Variants in ITIH2 observed in about 807,000 individuals in gnomAD.
ITIH2 encodes inter-alpha-trypsin inhibitor heavy chain 2.
In ITIH2, 103 loss-of-function variants were observed where a neutral mutation model predicts 104.4. That is an observed-to-expected ratio of 0.99 (90% CI 0.84 to 1.16). The LOEUF (loss-of-function observed/expected upper bound fraction) is 1.16. ITIH2 is among the 50% of genes most tolerant of loss of function. ITIH2 has a pLI of 0.00. For missense variants in ITIH2, 1,108 were observed against 1,162.4 expected (o/e 0.95, Z 0.68); for synonymous variants, 436 against 435.4 (o/e 1.00, Z -0.02).
chr10:7,729,947 T>G lies in ITIH2; in HGVS notation c.1280-5T>G. 2 of 1,587,600 alleles carry G rather than the reference T, an allele frequency of 1.3e-6. No homozygotes were observed. The highest frequency in any genetic ancestry group is 1.7e-6 in the Non-Finnish European group (2 of 1,168,650). Reference sequence around the variant, plus strand: ...TCCTTTCCTTTCGGACATCACCAACTTTAGGCGAACTAAAACTGTCAAAAA... The same window carrying G: ...TCCTTTCCTTTCGGACATCACCAACGTTAGGCGAACTAAAACTGTCAAAAA... On this transcript the variant is annotated splice_region_variant and splice_polypyrimidine_tract_variant and intron_variant, in intron 11 of 20. Coordinates refer to ENST00000358415, the MANE Select transcript of ITIH2 (RefSeq NM_002216.3).
intron 14 of ITIH2, 73 bp from the exon 15 acceptor site, chr10:7,734,849 G>A: frequency 7.4e-7 from 1 of 1,359,494 alleles, no homozygotes; most frequent in Non-Finnish European, 1.0e-6. Context: ...GTGGGGTGCA[G>A]GGTCAGGGAG....
intron 11 of ITIH2, among the ~76,000 whole-genome samples, chr10:7,728,565 C>CTT (rs34966359): frequency 4.8e-5 from 7 of 145,836 alleles, no homozygotes; most frequent in African/African-American, 1.0e-4. Flanking sequence ...TTTTTTCTTT[C>CTT]TTTTTTTTTT....
chr10:7,729,894 C>T, intron 11 of ITIH2, 58 bp from the exon 12 acceptor site: 1 of 1,340,476 alleles, frequency 7.5e-7, no homozygotes, highest in Non-Finnish European at 1.0e-6. Context: ...CTGGATTTTC[C>T]AGAAAATTTA....
At chr10:7,714,210 C>T (rs1276984455) in intron 5 of ITIH2, among the ~76,000 whole-genome samples, 3 of 128,638 alleles carry the variant, frequency 2.3e-5, no homozygotes, top group East Asian at 2.3e-4. Context: ...CTCGCTCTGT[C>T]GCCCAGGCTG....
intron 13 of ITIH2, 56 bp from the exon 14 acceptor site, chr10:7,732,282 C>G (rs769796927): frequency 6.4e-6 from 10 of 1,554,490 alleles, no homozygotes; most frequent in Non-Finnish European, 8.8e-6. Context: ...AAATGTGAAT[C>G]AATGAACTAT....
At position 7,743,021 on chromosome 10, in the gene ITIH2, A is replaced by G. The variant is rs1054731184; in HGVS notation, c.2096-125A>G. On this transcript the variant is annotated intron_variant, in intron 16 of 20. Coordinates refer to ENST00000358415, the MANE Select transcript of ITIH2 (RefSeq NM_002216.3). ...GTCCCCAAGACCTGGAGGAGTACCG[A>G]GCATGTAGGAGAAGCACAATAAATA... The G allele has an allele frequency of 2.1e-5, 13 of 630,282 alleles. 1 individual carries two copies. Among genetic ancestry groups the G allele is most frequent in the Admixed American group, 8.8e-5 (3 of 34,180 alleles). 39.0% of individuals were successfully genotyped at this position (630,282 alleles called of 1,614,324 possible).
chr10:7,743,321 C>A (rs1835144438), intron 17 of ITIH2, 62 bp downstream of exon 17: 2 of 826,746 alleles, frequency 2.4e-6, no homozygotes, highest in East Asian at 2.6e-5. Flanking sequence ...CCTGTCACTG[C>A]CTGGGATTTC....
chr10:7,736,001 A>G (rs926237237), intron 15 of ITIH2, among the ~76,000 whole-genome samples: 1 of 152,058 alleles, frequency 6.6e-6, no homozygotes, highest in Non-Finnish European at 1.5e-5. Context: ...CATCTAATAA[A>G]ACAGAATACT....
At chr10:7,745,720 TG>T (rs1337522390) in intron 19 of ITIH2, among the ~76,000 whole-genome samples, 1 of 151,726 alleles carries the variant, frequency 6.6e-6, no homozygotes, top group Non-Finnish European at 1.5e-5. Context: ...TGCTCCAGCC[TG>T]GGTGACAGAG....
At chr10:7,748,229 TAA>T (rs1491326261) in intron 20 of ITIH2, among the ~76,000 whole-genome samples, 4 of 110,178 alleles carry the variant, frequency 3.6e-5, no homozygotes, top group Non-Finnish European at 5.8e-5. Flanking sequence ...TATACATATA[TAA>T]ATAAATATAT....
chr10:7,708,774 T>C (rs1834769927), intron 3 of ITIH2, among the ~76,000 whole-genome samples: 1 of 152,078 alleles, frequency 6.6e-6, no homozygotes, highest in East Asian at 1.9e-4. Context: ...ATTTATAGAC[T>C]CATAGGGCTG....
intron 13 of ITIH2, 70 bp downstream of exon 13, chr10:7,732,066 C>T: frequency 8.2e-7 from 1 of 1,222,622 alleles, no homozygotes; most frequent in South Asian, 1.4e-5. Context: ...TGAATGTCAG[C>T]TCTGCCTGCC....
intron 1 of ITIH2, among the ~76,000 whole-genome samples, chr10:7,704,490 C>T (rs1834726354): frequency 6.6e-6 from 1 of 152,188 alleles, no homozygotes; most frequent in African/African-American, 2.4e-5. Flanking sequence ...TCATGTCTGT[C>T]CAGTCAGACA....
chr10:7,744,595 T>C (rs559007159), intron 18 of ITIH2, among the ~76,000 whole-genome samples, 196 bp from the exon 19 acceptor site: 5 of 152,304 alleles, frequency 3.3e-5, no homozygotes, highest in African/African-American at 1.2e-4. Context: ...CCAAACGCCA[T>C]GATTGTGTCC....
chr10:7,713,320 C>G, intron 5 of ITIH2, 35 bp downstream of exon 5: 1 of 1,516,276 alleles, frequency 6.6e-7, no homozygotes, highest in Non-Finnish European at 9.1e-7. Flanking sequence ...GCCCTTGCCT[C>G]TCAATGACGG....
chr10:7,716,166 G>C (rs953755297), intron 5 of ITIH2, among the ~76,000 whole-genome samples: 1 of 152,114 alleles, frequency 6.6e-6, no homozygotes, highest in Non-Finnish European at 1.5e-5. Flanking sequence ...TGCGTTTTTA[G>C]TAGAGACAGG....
chr10:7,714,165 AT>A (rs996413668), intron 5 of ITIH2, among the ~76,000 whole-genome samples: 942 of 84,014 alleles, frequency 0.011, 4 homozygotes, highest in East Asian at 0.043. Context: ...CACACTCACT[AT>A]TTTTTTTTTT....
intron 16 of ITIH2, among the ~76,000 whole-genome samples, chr10:7,741,379 T>C (rs963838149): frequency 6.6e-6 from 1 of 151,782 alleles, no homozygotes; most frequent in African/African-American, 2.4e-5. Flanking sequence ...GGGGTTTCAC[T>C]ATGCTGGCCA....
chr10:7,711,498 C>G (rs915697692), intron 4 of ITIH2, among the ~76,000 whole-genome samples: 1 of 152,150 alleles, frequency 6.6e-6, no homozygotes, highest in Non-Finnish European at 1.5e-5. Context: ...ATCCCTTTTA[C>G]CTTTTTATCA....
Sources: gnomAD v4.1 joint callset for allele counts (sites outside exome capture counted in the v4.1 genomes callset) on GRCh38, gnomAD v4.1.1 for gene constraint, MANE v1.5 for transcripts, NCBI Gene and HGNC (gene_info 2026-07-23, HGNC 2026-07-21) for gene names.